FTSJ1: variants seen among roughly 807,000 people sequenced by gnomAD.
FTSJ1 encodes tRNA (cytidine(32)/guanosine(34)-2'-O)-methyltransferase.
In FTSJ1, 3 loss-of-function variants were observed where a neutral mutation model predicts 28.5. The ratio of observed to expected loss-of-function variants is 0.11; its 90% CI spans 0.05 to 0.27. The LOEUF (loss-of-function observed/expected upper bound fraction) is 0.27. FTSJ1 is among the 10% of genes least tolerant of loss of function. The pLI is 1.00. For missense variants in FTSJ1, 162 were observed against 279.0 expected (o/e 0.58, Z 2.99); for synonymous variants, 104 against 113.9 (o/e 0.91, Z 0.55).
intron 4 of FTSJ1, 107 bp downstream of exon 4, chrX:48,478,814 A>C: frequency 1.7e-6 from 1 of 600,848 alleles, no homozygotes; most frequent in Non-Finnish European, 2.8e-6. Context: ...CAGAGAGAGA[A>C]AGAGAGTGAG....
At chrX:48,480,866 G>A (rs952967640) in intron 5 of FTSJ1, among the ~76,000 whole-genome samples, 1 of 110,919 alleles carries the variant, frequency 9.0e-6, no homozygotes, top group Middle Eastern at 4.2e-3. Context: ...GGTTGTGGAT[G>A]TATTGGAGAT....
Position 48,478,030 on chromosome X carries a change from G to A in FTSJ1, c.-18G>A. On this transcript the variant is annotated 5_prime_UTR_variant, in exon 2 of 13. Transcript: ENST00000348411. ...ATCAGTGGACTGTCGGCAGGTCCTTGAGCAACTGGTGTGTGAAATGGGACG... is the reference window on the plus strand; with the variant it reads ...ATCAGTGGACTGTCGGCAGGTCCTTAAGCAACTGGTGTGTGAAATGGGACG... The A allele has an allele frequency of 8.3e-7, 1 of 1,211,645 alleles. No individual in the cohort carries two copies. Among genetic ancestry groups the A allele is most frequent in the Middle Eastern group, 2.3e-4 (1 of 4,353 alleles).
intron 11 of FTSJ1, 29 bp downstream of exon 11, chrX:48,482,823 T>C (rs1158082255): frequency 1.8e-5 from 22 of 1,204,318 alleles, no homozygotes; most frequent in Non-Finnish European, 2.4e-5. Flanking sequence ...CAGCCTGCCT[T>C]GACCCCTTCC....
chrX:48,481,858 A>C, intron 9 of FTSJ1, 143 bp downstream of exon 9: 1 of 513,423 alleles, frequency 1.9e-6, no homozygotes, highest in Non-Finnish European at 3.5e-6. Context: ...CCTTAGCCCC[A>C]TTCTCTGATG....
chrX:48,482,573 C>T, intron 10 of FTSJ1, 24 bp from the exon 11 acceptor site: 1 of 1,193,838 alleles, frequency 8.4e-7, no homozygotes, highest in Non-Finnish European at 1.1e-6. Context: ...TCCTCACCAT[C>T]TCCCTACCCC....
intron 1 of FTSJ1, 24 bp from the exon 2 acceptor site, chrX:48,477,937 T>C: frequency 9.0e-7 from 1 of 1,104,979 alleles, no homozygotes; most frequent in Non-Finnish European, 1.2e-6. Flanking sequence ...CAGTTTAGTT[T>C]GTGTGGTTCT....
Position 48,479,135 on chromosome X carries a change from T to C in FTSJ1, c.361+19T>C. The C allele has an allele frequency of 8.8e-7, 1 of 1,142,206 alleles. No individual in the cohort carries two copies. The highest frequency in any genetic ancestry group is 1.2e-6 in the Non-Finnish European group (1 of 831,706). 94.1% of individuals were successfully genotyped at this position (1,142,206 alleles called of 1,213,427 possible). ...CCTGATGGTAAATAGCAACAGAAAG[T>C]GGGAGGCCAGGCGGGGCCCCCTGTG... On this transcript the variant is annotated intron_variant, in intron 5 of 12. Transcript: ENST00000348411.
chrX:48,477,509 A>T (rs1285251092), intron 1 of FTSJ1, among the ~76,000 whole-genome samples: 1 of 111,241 alleles, frequency 9.0e-6, no homozygotes, highest in Non-Finnish European at 1.9e-5. Flanking sequence ...AGGTACAATG[A>T]AGTAGTATTA....
chrX:48,477,975 C>A lies in FTSJ1; in HGVS notation c.-73C>A, dbSNP rs1182004532. ...CCGCCCTACAGAGGTAGGTGGTAGCCCATTCATCTGGTTACTGATACTGGC... is the reference window on the plus strand; with the variant it reads ...CCGCCCTACAGAGGTAGGTGGTAGCACATTCATCTGGTTACTGATACTGGC... On this transcript the variant is annotated 5_prime_UTR_variant, in exon 2 of 13. Coordinates refer to ENST00000348411, the MANE Select transcript of FTSJ1 (RefSeq NM_012280.4). 2 of 1,202,580 alleles carry A rather than the reference C, an allele frequency of 1.7e-6. No individual in the cohort carries two copies. Among genetic ancestry groups the A allele is most frequent in the Non-Finnish European group, 2.2e-6 (2 of 890,308 alleles).
intron 5 of FTSJ1, 118 bp downstream of exon 5, chrX:48,479,234 C>T: frequency 1.9e-6 from 1 of 518,343 alleles, no homozygotes; most frequent in Middle Eastern, 3.3e-4. Context: ...CTCCCTTCCG[C>T]ACTCAGCTTT....
intron 2 of FTSJ1, 124 bp downstream of exon 2, chrX:48,478,292 C>CAGGCAGGAAGAT (rs1338208041): frequency 2.3e-5 from 20 of 857,490 alleles, no homozygotes; most frequent in African/African-American, 4.0e-5. Context: ...GGCAGGGAGA[C>CAGGCAGGAAGAT]AGGCAGGAAG....
At position 48,479,053 on chromosome X, in the gene FTSJ1, G is replaced by A; in HGVS notation, c.298G>A (p.Glu100Lys). 6 of 1,205,200 alleles carry A rather than the reference G, an allele frequency of 5.0e-6. No individual in the cohort carries two copies. The highest frequency in any genetic ancestry group is 6.7e-6 in the Non-Finnish European group (6 of 889,189). ...GDITQLSTAKEIIQHFKGCPA... is the reference protein window; with the variant it reads ...GDITQLSTAKKIIQHFKGCPA... Reference sequence around the variant, plus strand: ...CTCTCCATAGCTGTCCACTGCCAAGGAGATCATCCAGCACTTTAAGGGCTG... The same window carrying A: ...CTCTCCATAGCTGTCCACTGCCAAGAAGATCATCCAGCACTTTAAGGGCTG... The change falls in exon 5 of 13, where the codon GAG (glutamate) becomes AAG (lysine). Residue 100 changes from glutamate (E) to lysine (K), a missense_variant. By Grantham distance (56) the Glu-to-Lys change is moderately conservative (BLOSUM62 1). Coordinates refer to ENST00000348411, the MANE Select transcript of FTSJ1 (RefSeq NM_012280.4).
At chrX:48,480,566 G>A (rs1179435464) in intron 5 of FTSJ1, among the ~76,000 whole-genome samples, 3 of 110,091 alleles carry the variant, frequency 2.7e-5, no homozygotes, top group East Asian at 2.8e-4. Context: ...GAAGAGGACT[G>A]TGCTGGGCTT....
intron 1 of FTSJ1, 64 bp downstream of exon 1, chrX:48,476,460 C>T: frequency 3.4e-6 from 1 of 291,186 alleles, no homozygotes; most frequent in East Asian, 4.8e-5. Context: ...CCTGCACTGT[C>T]CCGCCTGCGG....
rs73483894 is a variant in FTSJ1, at chrX:48,481,624, C to T, written c.572-8C>T. On this transcript the variant is annotated splice_polypyrimidine_tract_variant and splice_region_variant and intron_variant, in intron 8 of 12. Coordinates refer to ENST00000348411, the MANE Select transcript of FTSJ1 (RefSeq NM_012280.4). ...GCAGTCATGCCTCACTCCACCTTCC[C>T]CTGGCAGAGGCCTTCGCTGTCTGTC... 5,827 of 1,184,495 alleles carry T rather than the reference C, an allele frequency of 4.9e-3. 185 individuals carry two copies. The African/African-American group carries it at 0.09, about 18-fold the overall frequency.
rs1556967286 is a variant in FTSJ1 at position 48,478,535 on chromosome X, C to T, written c.191+17C>T. 1 of 1,203,688 alleles carries T rather than the reference C, an allele frequency of 8.3e-7. No individual in the cohort carries two copies. The highest frequency in any genetic ancestry group is 2.2e-5 in the Admixed American group (1 of 46,025). On this transcript the variant is annotated intron_variant, in intron 3 of 12. Coordinates refer to ENST00000348411, the MANE Select transcript of FTSJ1 (RefSeq NM_012280.4). ...GAAGATCGGGTAAGTGTGGGGGTCC[C>T]AGATGGGAGACCCAGGAGGGCCGGC...
intron 12 of FTSJ1, among the ~76,000 whole-genome samples, chrX:48,484,649 A>G (rs1233814099): frequency 9.0e-6 from 1 of 111,367 alleles, no homozygotes; most frequent in Non-Finnish European, 1.9e-5. Flanking sequence ...AGGCCTCCCA[A>G]AGTGCTGGGA....
chrX:48,476,205 A>T lies in FTSJ1; in HGVS notation c.-279A>T, dbSNP rs1037956047. ...GACGGGGCTCACGTTGTACGTTCAC[A>T]TCAGGTCCCGGCCCGCCGGAACCTG... is the stretch of plus-strand genomic sequence containing the variant. On this transcript the variant is annotated 5_prime_UTR_variant, in exon 1 of 13. Transcript: ENST00000348411. 6.7e-6 allele frequency: 2 copies of T among 297,287 alleles called. No individual in the cohort carries two copies. Among genetic ancestry groups the T allele is most frequent in the Admixed American group, 1.2e-4 (2 of 16,521 alleles). 24.5% of individuals were successfully genotyped at this position (297,287 alleles called of 1,213,427 possible).
chrX:48,481,450 C>T lies in FTSJ1; in HGVS notation c.493C>T (p.Leu165Phe), dbSNP rs781814995. 6 of 1,212,008 alleles carry T rather than the reference C, an allele frequency of 5.0e-6. No homozygotes were observed. In the East Asian group the frequency reaches 1.8e-4, roughly 36 times the overall value. Residue 165 changes from leucine (L) to phenylalanine (F), a missense_variant, in exon 8 of 13, where the codon CTC becomes TTC. By Grantham distance (22) the Leu-to-Phe change is conservative. Transcript: ENST00000348411. ...AKIFRGRDVT[L>F]LYSQLQVFFS... is the part of the protein sequence containing the mutation. The stretch of plus-strand genomic sequence containing the variant: ...GATATTCCGAGGCCGGGATGTGACG[C>T]TCCTCTACAGCCAGCTGCAGGTCTT...
Sources: gnomAD v4.1 joint callset for allele counts (sites outside exome capture counted in the v4.1 genomes callset) on GRCh38, gnomAD v4.1.1 for gene constraint, MANE v1.5 for transcripts, NCBI Gene and HGNC (gene_info 2026-07-23, HGNC 2026-07-21) for gene names.